ANK2: variants seen among roughly 807,000 people sequenced by gnomAD.
ANK2 encodes the protein ankyrin-2.
ANK2 carries 83 observed loss-of-function variants against 360.5 expected under a neutral mutation model. The ratio of observed to expected loss-of-function variants is 0.23; its 90% CI spans 0.19 to 0.28. The LOEUF (loss-of-function observed/expected upper bound fraction) is 0.28. Ranked by LOEUF, ANK2 falls within the 10% of genes least tolerant of loss-of-function variation. ANK2 has a pLI of 1.00. For synonymous variants in ANK2, 1,740 were observed against 1,759.5 expected (o/e 0.99, Z 0.28); for missense variants, 4,201 against 4,795.7 (o/e 0.88, Z 3.66).
chr4:112,842,020 T>C (rs1360374383), intron 1 of ANK2, among the ~76,000 whole-genome samples: 1 of 152,180 alleles, frequency 6.6e-6, no homozygotes, highest in African/African-American at 2.4e-5. Flanking sequence ...CTTTTCTTTT[T>C]TTTTTGAGAT....
chr4:113,169,584 A>G (rs1176259180), intron 1 of ANK2, among the ~76,000 whole-genome samples: 1 of 152,158 alleles, frequency 6.6e-6, no homozygotes, highest in Non-Finnish European at 1.5e-5. Flanking sequence ...GCGCACCATA[A>G]GCCAGAGACT....
chr4:112,806,665 A>G, the ANK2 span, among the ~76,000 whole-genome samples: 3 of 151,846 alleles, frequency 2.0e-5, no homozygotes, highest in Non-Finnish European at 2.9e-5. Context: ...CCCAGTCTCT[A>G]CAAAAAATAA....
At chr4:112,968,427 A>C (rs1020672104) in intron 2 of ANK2, among the ~76,000 whole-genome samples, 1 of 152,220 alleles carries the variant, frequency 6.6e-6, no homozygotes, top group African/African-American at 2.4e-5. Flanking sequence ...GAAAAGAGCC[A>C]GTCTTTGGTT....
intron 2 of ANK2, among the ~76,000 whole-genome samples, chr4:112,931,309 A>G (rs1052326044): frequency 1.3e-4 from 20 of 151,970 alleles, no homozygotes; most frequent in Non-Finnish European, 7.4e-5. Flanking sequence ...TCTCAATCCC[A>G]TTTTATCGTA....
At chr4:112,889,467 A>G (rs76249287) in intron 1 of ANK2, among the ~76,000 whole-genome samples, 6,709 of 152,228 alleles carry the variant, frequency 0.044, 407 homozygotes, top group African/African-American at 0.13. Context: ...GGTATACTCC[A>G]TAGACAAGAA....
At chr4:112,863,562 A>G (rs376009082) in intron 1 of ANK2, among the ~76,000 whole-genome samples, 27 of 120,500 alleles carry the variant, frequency 2.2e-4, no homozygotes, top group East Asian at 1.2e-3. Context: ...TCGCTCTGTC[A>G]CCCAGGCTGG....
Position 113,278,577 on chromosome 4 carries a change from G to T in ANK2, c.1881+19G>T. 1 of 1,608,960 alleles carries T rather than the reference G, an allele frequency of 6.2e-7. No homozygotes were observed. Among genetic ancestry groups the T allele is most frequent in the Non-Finnish European group, 8.5e-7 (1 of 1,175,414 alleles). On this transcript the variant is annotated intron_variant, in intron 17 of 45. Coordinates refer to ENST00000357077, the MANE Select transcript of ANK2 (RefSeq NM_001148.6). ...TGCCAAGGTGAGGACCACAGAAAAG[G>T]ATTTACAGGCATAGGGTGTAACTAT...
At position 112,853,878 on chromosome 4, in the gene ANK2, G is replaced by A. The variant is rs530774333; in HGVS notation, c.-40+35614G>A. On this transcript the variant is annotated intron_variant, in intron 1 of 30. Transcript: ENST00000503271. ...GCCACAAGATGGTGTAGAAATAAAT[G>A]CATTAAACATACATAAGTGTCATTC... 5.3e-5 allele frequency among the ~76,000 whole-genome samples: 8 copies of A among 152,272 alleles called. No individual in the cohort carries two copies. The South Asian group carries it at 1.7e-3, about 32-fold the overall frequency.
chr4:113,249,761 C>A lies in ANK2; in HGVS notation c.892-3C>A. 1 of 1,613,886 alleles carries A rather than the reference C, an allele frequency of 6.2e-7. No homozygotes were observed. The highest frequency in any genetic ancestry group is 8.5e-7 in the Non-Finnish European group (1 of 1,179,900). ...GGGCCTAATTCTTTAATTCTTTTGG[C>A]AGGATGGGTTGACACCACTTCACTG... On this transcript the variant is annotated splice_polypyrimidine_tract_variant and splice_region_variant and intron_variant, in intron 9 of 45. Transcript: ENST00000357077.
intron 1 of ANK2, among the ~76,000 whole-genome samples, chr4:113,053,619 G>T (rs1458129510): frequency 6.6e-6 from 1 of 152,026 alleles, no homozygotes; most frequent in African/African-American, 2.4e-5. Flanking sequence ...TTTGAGGCAG[G>T]GTCTTATTCT....
the ANK2 span, among the ~76,000 whole-genome samples, chr4:112,783,628 ATTATTTAT>A: frequency 0.046 from 6,506 of 141,164 alleles, 231 homozygotes; most frequent in African/African-American, 0.1. Context: ...ATGTTGATAT[ATTATTTAT>A]TTATTTATTT....
At chr4:112,930,671 G>A (rs1292816926) in intron 2 of ANK2, among the ~76,000 whole-genome samples, 2 of 152,030 alleles carry the variant, frequency 1.3e-5, no homozygotes, top group African/African-American at 2.4e-5. Flanking sequence ...GGCAGATCAT[G>A]AGGTCAGGAG....
chr4:113,183,170 T>C (rs897960282), intron 2 of ANK2, among the ~76,000 whole-genome samples: 6 of 152,038 alleles, frequency 3.9e-5, no homozygotes, highest in African/African-American at 1.4e-4. Flanking sequence ...CTTCTGTTTT[T>C]TTCAGCGAAA....
chr4:113,020,736 G>A (rs2057839679), intron 2 of ANK2, among the ~76,000 whole-genome samples: 2 of 149,984 alleles, frequency 1.3e-5, no homozygotes, highest in Non-Finnish European at 3.0e-5. Context: ...TGAGGCAGGA[G>A]AATTACTTGA....
In ANK2 at chr4:113,021,254, T is replaced by C. The variant is rs565748361; in HGVS notation, c.21+116740T>C. Among the ~76,000 whole-genome samples, 4 of 152,220 alleles carry C rather than the reference T, an allele frequency of 2.6e-5. No homozygotes were observed. In the South Asian group the frequency reaches 8.3e-4, roughly 32 times the overall value. ...AGAGAATTCAGAGTGCCCTGTACTC[T>C]TGGAACATAACATTTCTTCTCCCTT... On this transcript the variant is annotated intron_variant, in intron 2 of 30. Transcript: ENST00000503271.
intron 24 of ANK2, among the ~76,000 whole-genome samples, chr4:113,314,753 A>G (rs976704157): frequency 6.6e-6 from 1 of 152,202 alleles, no homozygotes; most frequent in Non-Finnish European, 1.5e-5. Flanking sequence ...AGAGCGAATA[A>G]CTTCTCTGGT....
Position 113,356,813 on chromosome 4 carries a change from A to T in ANK2, c.8195A>T (p.Lys2732Ile), listed in dbSNP as rs1240083703. The T allele has an allele frequency of 1.1e-5, 18 of 1,613,984 alleles. No homozygotes were observed. In the South Asian group the frequency reaches 1.9e-4, roughly 17 times the overall value. ...MNEDTQEEPG[K>I]SEEEKDSESH... ...GAAGATACTCAGGAAGAGCCAGGCAAATCAGAAGAAGAAAAAGATTCTGAA... is the reference window on the plus strand; with the variant it reads ...GAAGATACTCAGGAAGAGCCAGGCATATCAGAAGAAGAAAAAGATTCTGAA... The change falls in exon 38 of 46, where the codon AAA becomes ATA. Residue 2732 changes from lysine (K) to isoleucine (I), a missense_variant. Lys to Ile is a moderately radical substitution (Grantham distance 102, BLOSUM62 -3). Transcript: ENST00000357077.
the ANK2 span, among the ~76,000 whole-genome samples, chr4:112,717,330 A>G: frequency 1.3e-5 from 2 of 151,994 alleles, no homozygotes; most frequent in Non-Finnish European, 2.9e-5. Flanking sequence ...TTATTAAACT[A>G]TTTTCCTACA....
intron 4 of ANK2, among the ~76,000 whole-genome samples, chr4:113,222,306 T>C (rs72898059): frequency 0.034 from 5,236 of 152,142 alleles, 116 homozygotes; most frequent in East Asian, 0.067. Context: ...GCTTTCCAGC[T>C]CATCCCTAGT....
Sources: gnomAD v4.1 joint callset for allele counts (sites outside exome capture counted in the v4.1 genomes callset) on GRCh38, gnomAD v4.1.1 for gene constraint, MANE v1.5 for transcripts, NCBI Gene and HGNC (gene_info 2026-07-23, HGNC 2026-07-21) for gene names.